The following RNF128 variants were observed in gnomAD, a reference collection of about 807,000 sequenced individuals.
RNF128 encodes ring finger protein 128.
Under a neutral mutation model 26.2 loss-of-function variants are expected in RNF128, and 13 were observed. The observed-to-expected ratio is 0.50, with a 90% confidence interval of 0.32 to 0.79. RNF128 has a LOEUF of 0.79. Among genes scored for constraint, RNF128 ranks in the 30% least tolerant of loss-of-function variants. RNF128 has a pLI of 0.03. For synonymous variants in RNF128, 149 were observed against 142.5 expected (o/e 1.05, Z -0.32); for missense variants, 315 against 349.7 (o/e 0.90, Z 0.79).
chrX:106,718,137 A>T (rs964851178), intron 1 of RNF128, among the ~76,000 whole-genome samples: 12 of 111,837 alleles, frequency 1.1e-4, no homozygotes, highest in Admixed American at 4.8e-4. Context: ...ACCAGGAGGG[A>T]GCTATGCCCT....
At chrX:106,762,063 G>T (rs1930129083) in intron 1 of RNF128, among the ~76,000 whole-genome samples, 1 of 109,995 alleles carries the variant, frequency 9.1e-6, no homozygotes, top group South Asian at 3.9e-4. Flanking sequence ...TCAAATGGGG[G>T]CAATTACCAT....
At chrX:106,789,381 A>T (rs1203341869) in intron 4 of RNF128, among the ~76,000 whole-genome samples, 8 of 94,971 alleles carry the variant, frequency 8.4e-5, no homozygotes, top group Non-Finnish European at 1.6e-4. Flanking sequence ...TTATATATTT[A>T]TGTATATATA....
At chrX:106,747,964 G>A (rs1022130689) in intron 1 of RNF128, among the ~76,000 whole-genome samples, 2 of 111,967 alleles carry the variant, frequency 1.8e-5, no homozygotes, top group Non-Finnish European at 3.8e-5. Flanking sequence ...ATAGTGCCAG[G>A]CATGTGTGTA....
chrX:106,740,592 CA>C, intron 1 of RNF128, among the ~76,000 whole-genome samples: 1 of 111,315 alleles, frequency 9.0e-6, no homozygotes, highest in South Asian at 3.8e-4. Flanking sequence ...TTTTTAGAGA[CA>C]GGGTCTTGCC....
At chrX:106,721,415 A>G (rs973571449) in intron 1 of RNF128, among the ~76,000 whole-genome samples, 1 of 111,994 alleles carries the variant, frequency 8.9e-6, no homozygotes, top group African/African-American at 3.2e-5. Context: ...CAACATCTCT[A>G]TAGAGTCGGT....
chrX:106,761,977 A>G lies in RNF128; in HGVS notation c.485-10936A>G, dbSNP rs180809340. Among the ~76,000 whole-genome samples the G allele has an allele frequency of 3.0e-3, 331 of 109,779 alleles. 1 individual carries two copies. The highest frequency in any genetic ancestry group is 9.2e-3 in the African/African-American group (278 of 30,215). On this transcript the variant is annotated intron_variant, in intron 1 of 6. Transcript: ENST00000255499. ...TTAAAGACCCTTAATTTAAAAATTT[A>G]TAATTGACACATAATTGTATATATT...
chrX:106,761,416 T>A (rs972760862), intron 1 of RNF128, among the ~76,000 whole-genome samples: 3 of 111,621 alleles, frequency 2.7e-5, no homozygotes, highest in Non-Finnish European at 5.7e-5. Context: ...GACACAGCAA[T>A]CCCATTATTG....
chrX:106,704,555 T>C (rs1170328016), intron 1 of RNF128, among the ~76,000 whole-genome samples: 1 of 110,073 alleles, frequency 9.1e-6, no homozygotes. Flanking sequence ...ACTGAAAATA[T>C]CTGAAGGAGA....
At chrX:106,733,672 T>C (rs1929538984) in intron 1 of RNF128, among the ~76,000 whole-genome samples, 2 of 111,347 alleles carry the variant, frequency 1.8e-5, no homozygotes, top group South Asian at 7.6e-4. Flanking sequence ...TGTTTTAGCA[T>C]TGGGGGGATT....
chrX:106,773,188 T>TA (rs770285263), intron 2 of RNF128, 28 bp downstream of exon 2: 2 of 1,176,684 alleles, frequency 1.7e-6, no homozygotes, highest in Non-Finnish European at 2.3e-6. Context: ...CTTCCACTAT[T>TA]AAAAAAAATT....
chrX:106,710,268 C>T (rs1929103227), intron 1 of RNF128, among the ~76,000 whole-genome samples: 2 of 111,787 alleles, frequency 1.8e-5, no homozygotes, highest in Admixed American at 1.9e-4. Context: ...AAGATATACA[C>T]AACAAAAGGC....
upstream of RNF128, among the ~76,000 whole-genome samples, chrX:106,726,272 A>G (rs762133845): frequency 1.2e-4 from 13 of 110,741 alleles, no homozygotes; most frequent in Non-Finnish European, 2.1e-4. Context: ...TCCCCCCTCT[A>G]GAGAATCAGT....
intron 1 of RNF128, among the ~76,000 whole-genome samples, chrX:106,735,404 CTTAG>C (rs1929578605): frequency 1.8e-5 from 2 of 111,258 alleles, no homozygotes; most frequent in South Asian, 7.5e-4. Context: ...GTTGAAATAG[CTTAG>C]TTAAATACTG....
At chrX:106,735,274 A>G (rs1242855342) in intron 1 of RNF128, among the ~76,000 whole-genome samples, 1 of 111,882 alleles carries the variant, frequency 8.9e-6, no homozygotes, top group Non-Finnish European at 1.9e-5. Context: ...AAGTTGGTAC[A>G]AATCAGTAAT....
intron 1 of RNF128, among the ~76,000 whole-genome samples, chrX:106,735,588 TAAAGAACCCA>T (rs1377102877): frequency 2.7e-5 from 3 of 111,794 alleles, no homozygotes; most frequent in African/African-American, 9.7e-5. Flanking sequence ...TTCGTAGTTT[TAAAGAACCCA>T]AAATACTCCA....
At chrX:106,734,105 G>T (rs904839467) in intron 1 of RNF128, among the ~76,000 whole-genome samples, 1 of 111,712 alleles carries the variant, frequency 9.0e-6, no homozygotes, top group African/African-American at 3.3e-5. Flanking sequence ...ATTTCTCCAT[G>T]TATCTAGAAA....
At chrX:106,731,663 C>T (rs1929505004) in intron 1 of RNF128, among the ~76,000 whole-genome samples, 2 of 111,220 alleles carry the variant, frequency 1.8e-5, no homozygotes, top group South Asian at 7.7e-4. Context: ...TTCCTTGCCT[C>T]TCTTTTGTTT....
At chrX:106,754,987 T>G (rs1429678737) in intron 1 of RNF128, among the ~76,000 whole-genome samples, 3 of 111,126 alleles carry the variant, frequency 2.7e-5, no homozygotes, top group African/African-American at 9.8e-5. Context: ...TGAAAAGTTG[T>G]TTTCTTTAAA....
rs186926836 is a variant in RNF128 at position 106,697,066 on chromosome X, G to A, written c.406+2658G>A. ...ATTCCTGGGAAAATTGTGACAAGTT[G>A]GCCACCCTAGCTGGCTTTGTTCTGA... On this transcript the variant is annotated intron_variant, in intron 1 of 6. Coordinates refer to the RNF128 transcript ENST00000324342. Among the ~76,000 whole-genome samples the A allele has an allele frequency of 2.4e-3, 271 of 111,603 alleles. 3 individuals are homozygous for A. The highest frequency in any genetic ancestry group is 8.6e-3 in the African/African-American group (263 of 30,760).
Sources: gnomAD v4.1 joint callset for allele counts (sites outside exome capture counted in the v4.1 genomes callset) on GRCh38, gnomAD v4.1.1 for gene constraint, MANE v1.5 for transcripts, NCBI Gene and HGNC (gene_info 2026-07-23, HGNC 2026-07-21) for gene names.